Variants in ADGRB3 observed in about 807,000 individuals in gnomAD.
ADGRB3 encodes the protein adhesion G protein-coupled receptor B3.
Under a neutral mutation model 193.4 loss-of-function variants are expected in ADGRB3, and 37 were observed. That is an observed-to-expected ratio of 0.19 (90% CI 0.15 to 0.25). The LOEUF (loss-of-function observed/expected upper bound fraction) is 0.25. Ranked by LOEUF, ADGRB3 falls within the 10% of genes least tolerant of loss-of-function variation. The probability of loss-of-function intolerance (pLI) is 1.00; values close to 1 mark genes in which losing one functional copy is unlikely to be tolerated. For synonymous variants in ADGRB3, 690 were observed against 644.2 expected (o/e 1.07, Z -1.08); for missense variants, 1,637 against 1,852.9 (o/e 0.88, Z 2.14).
At chr6:68,752,763 G>A (rs1420572373) in intron 3 of ADGRB3, among the ~76,000 whole-genome samples, 1 of 152,122 alleles carries the variant, frequency 6.6e-6, no homozygotes, top group African/African-American at 2.4e-5. Context: ...GAGAGTGTTG[G>A]CATGTACATT....
chr6:69,094,125 A>G (rs1375419531), intron 17 of ADGRB3, among the ~76,000 whole-genome samples: 1 of 152,142 alleles, frequency 6.6e-6, no homozygotes, highest in Admixed American at 6.5e-5. Flanking sequence ...AGAGGTGTCT[A>G]CTATGACCGA....
chr6:69,293,679 A>G (rs1160395196), intron 20 of ADGRB3, among the ~76,000 whole-genome samples: 1 of 152,148 alleles, frequency 6.6e-6, no homozygotes, highest in Non-Finnish European at 1.5e-5. Flanking sequence ...CCCCATTTGT[A>G]AACAGCTACA....
At chr6:69,172,576 G>A (rs1213140506) in intron 17 of ADGRB3, among the ~76,000 whole-genome samples, 14 of 144,514 alleles carry the variant, frequency 9.7e-5, no homozygotes, top group Non-Finnish European at 2.1e-4. Context: ...CCTGGGAGGC[G>A]GAGCTTGCAG....
chr6:68,846,059 C>T, intron 3 of ADGRB3, among the ~76,000 whole-genome samples: 1 of 152,114 alleles, frequency 6.6e-6, no homozygotes, highest in Non-Finnish European at 1.5e-5. Flanking sequence ...GATGAAGAAC[C>T]TCTCGGAAGC....
intron 8 of ADGRB3, 113 bp from the exon 9 acceptor site, chr6:68,974,650 A>T: frequency 2.6e-6 from 2 of 780,584 alleles, no homozygotes; most frequent in Non-Finnish European, 4.1e-6. Flanking sequence ...AAAAGAAAGA[A>T]AAAAAAAGAA....
intron 20 of ADGRB3, among the ~76,000 whole-genome samples, chr6:69,241,654 G>C (rs1442115210): frequency 6.6e-6 from 1 of 151,818 alleles, no homozygotes; most frequent in African/African-American, 2.4e-5. Context: ...GATGAATTTG[G>C]TTTACTTTTC....
chr6:69,002,981 C>T (rs1769627980), intron 11 of ADGRB3, among the ~76,000 whole-genome samples: 1 of 152,166 alleles, frequency 6.6e-6, no homozygotes, highest in Non-Finnish European at 1.5e-5. Flanking sequence ...CTCTGACCTT[C>T]AAGATGTGGC....
chr6:69,062,219 G>C (rs539281812), intron 15 of ADGRB3, among the ~76,000 whole-genome samples: 124 of 151,412 alleles, frequency 8.2e-4, no homozygotes, highest in African/African-American at 2.9e-3. Context: ...ACATATACTA[G>C]AAAAAGTTGG....
chr6:68,740,137 A>G (rs531550810), intron 3 of ADGRB3, among the ~76,000 whole-genome samples: 2 of 152,308 alleles, frequency 1.3e-5, no homozygotes, highest in Non-Finnish European at 2.9e-5. Context: ...TTTTCTGATA[A>G]TTAATAAAGA....
chr6:68,921,723 TATATA>T (rs1417053559), intron 3 of ADGRB3, among the ~76,000 whole-genome samples: 13 of 151,504 alleles, frequency 8.6e-5, no homozygotes, highest in Non-Finnish European at 1.2e-4. Flanking sequence ...AATAATAAAA[TATATA>T]ATATAAGAAT....
chr6:69,013,563 A>G (rs1337369624), intron 11 of ADGRB3, among the ~76,000 whole-genome samples: 2 of 152,108 alleles, frequency 1.3e-5, no homozygotes, highest in South Asian at 2.1e-4. Flanking sequence ...GGCAGAGTCA[A>G]GATTTCAACT....
In ADGRB3 at chr6:68,840,369, C is replaced by CTTTTTTTTTTTTTT. The variant is rs752625602; in HGVS notation, c.758-90164_758-90151dup. ...GCAGTGGAGTAAGGCACTGGGCAGT[C>CTTTTTTTTTTTTTT]TTTTTTTTTTTTTTTTTTTTTTTTT... is the stretch of plus-strand genomic sequence containing the variant. On this transcript the variant is annotated intron_variant, in intron 3 of 31. Coordinates refer to ENST00000370598, the MANE Select transcript of ADGRB3 (RefSeq NM_001704.3). 4.8e-4 allele frequency among the ~76,000 whole-genome samples: 33 copies of CTTTTTTTTTTTTTT among 69,428 alleles called. 5 individuals carry two copies. Among genetic ancestry groups the CTTTTTTTTTTTTTT allele is most frequent in the African/African-American group, 8.9e-4 (12 of 13,416 alleles). 45.5% of individuals were successfully genotyped at this position (69,428 alleles called of 152,430 possible). A position where few individuals can be genotyped will look rare whatever the true frequency, so the allele number is the denominator to read the frequency against.
chr6:68,682,158 G>A (rs1764908113), intron 3 of ADGRB3, among the ~76,000 whole-genome samples: 1 of 152,048 alleles, frequency 6.6e-6, no homozygotes, highest in Non-Finnish European at 1.5e-5. Flanking sequence ...ACCCACTGTG[G>A]GTCAGATATA....
chr6:69,233,489 T>C (rs1025890583), intron 18 of ADGRB3, 73 bp downstream of exon 18: 3 of 1,575,042 alleles, frequency 1.9e-6, no homozygotes, highest in Non-Finnish European at 8.6e-7. Context: ...TCCAGGGAAC[T>C]GCATTTTAAA....
chr6:69,155,303 A>G (rs889683083), intron 17 of ADGRB3, among the ~76,000 whole-genome samples: 3 of 152,362 alleles, frequency 2.0e-5, no homozygotes, highest in Middle Eastern at 3.4e-3. Flanking sequence ...ACTTCAAGAC[A>G]AGATAAACAT....
chr6:69,229,447 T>TA (rs1051718253), intron 17 of ADGRB3, among the ~76,000 whole-genome samples: 1 of 152,108 alleles, frequency 6.6e-6, no homozygotes, highest in Non-Finnish European at 1.5e-5. Flanking sequence ...TGTGTAAATT[T>TA]AAAAAAATGC....
chr6:69,228,961 A>G (rs1380466181), intron 17 of ADGRB3, among the ~76,000 whole-genome samples: 1 of 152,178 alleles, frequency 6.6e-6, no homozygotes, highest in Non-Finnish European at 1.5e-5. Flanking sequence ...CACTAAAATC[A>G]TCTGAAGGAC....
intron 8 of ADGRB3, among the ~76,000 whole-genome samples, chr6:68,974,138 C>G (rs1469261801): frequency 6.6e-6 from 1 of 151,874 alleles, no homozygotes; most frequent in Non-Finnish European, 1.5e-5. Flanking sequence ...TGTTGGAAGT[C>G]ACTTTTTTGT....
chr6:69,194,989 T>A (rs1765266991), intron 17 of ADGRB3, among the ~76,000 whole-genome samples: 1 of 152,104 alleles, frequency 6.6e-6, no homozygotes, highest in African/African-American at 2.4e-5. Flanking sequence ...TGGCTAGAGA[T>A]GGGTGTGTGT....
Sources: gnomAD v4.1 joint callset for allele counts (sites outside exome capture counted in the v4.1 genomes callset) on GRCh38, gnomAD v4.1.1 for gene constraint, MANE v1.5 for transcripts, NCBI Gene and HGNC (gene_info 2026-07-23, HGNC 2026-07-21) for gene names.